The following DMD variants were observed in gnomAD, a reference collection of about 807,000 sequenced individuals.
DMD encodes the protein dystrophin, also known as mutant dystrophin.
DMD carries 63 observed loss-of-function variants against 330.1 expected under a neutral mutation model. That is an observed-to-expected ratio of 0.19 (90% CI 0.16 to 0.24). The LOEUF is 0.24. Among genes scored for constraint, DMD ranks in the 10% least tolerant of loss-of-function variants. DMD has a pLI of 1.00. For synonymous variants in DMD, 1,223 were observed against 959.8 expected, an observed-to-expected ratio of 1.27 and a Z score of -5.07; for missense variants, 3,344 against 2,684.1, an observed-to-expected ratio of 1.25 and a Z score of -5.43.
chrX:32,363,320 C>T (rs2097843774), intron 36 of DMD, among the ~76,000 whole-genome samples: 1 of 111,753 alleles, frequency 8.9e-6, no homozygotes, highest in African/African-American at 3.3e-5. Flanking sequence ...TTTATTATAT[C>T]GTTACTGAAT....
chrX:31,686,673 C>T (rs1421680854), intron 52 of DMD, among the ~76,000 whole-genome samples: 1 of 112,410 alleles, frequency 8.9e-6, no homozygotes, highest in African/African-American at 3.2e-5. Context: ...CTTTCCCTAA[C>T]TTTCTTAAAA....
intron 44 of DMD, among the ~76,000 whole-genome samples, chrX:32,074,068 CTT>C (rs2096323538): frequency 9.0e-6 from 1 of 111,517 alleles, no homozygotes; most frequent in African/African-American, 3.3e-5. Context: ...AATTCTCAAA[CTT>C]TTTCATTTTA....
intron 63 of DMD, among the ~76,000 whole-genome samples, chrX:31,225,809 G>A (rs2046524506): frequency 8.9e-6 from 1 of 111,931 alleles, no homozygotes. Context: ...ATAGAGGACT[G>A]TGGCCTGTGT....
chrX:32,075,529 G>A (rs1233817031), intron 44 of DMD, among the ~76,000 whole-genome samples: 1 of 111,787 alleles, frequency 8.9e-6, no homozygotes, highest in East Asian at 2.8e-4. Flanking sequence ...TATTACAACT[G>A]TCTGAAAATT....
chrX:32,832,049 A>G (rs2079196204), intron 4 of DMD, among the ~76,000 whole-genome samples: 1 of 111,083 alleles, frequency 9.0e-6, no homozygotes, highest in South Asian at 3.7e-4. Context: ...CATTTGTTTC[A>G]AAGGAATTGG....
chrX:32,313,970 G>A (rs1037205539), intron 41 of DMD, among the ~76,000 whole-genome samples: 5 of 111,174 alleles, frequency 4.5e-5, no homozygotes, highest in African/African-American at 1.6e-4. Context: ...TGGCCATAGC[G>A]CCCAAAGTAA....
chrX:33,009,183 CGTAT>C lies in DMD; in HGVS notation c.93+10952_93+10955del, dbSNP rs2093509470. Among the ~76,000 whole-genome samples, 3 of 28,385 alleles carry C rather than the reference CGTAT, an allele frequency of 1.1e-4. 1 individual carries two copies. The highest frequency in any genetic ancestry group is 1.9e-4 in the Non-Finnish European group (3 of 15,583). 24.6% of individuals were successfully genotyped at this position (28,385 alleles called of 115,157 possible). ...ATATGTATATATATGTGTATATATA[CGTAT>C]ATATGTATATATGTGTATATATACA... On this transcript the variant is annotated intron_variant, in intron 2 of 78. Coordinates refer to ENST00000357033, the MANE Select transcript of DMD (RefSeq NM_004006.3).
chrX:32,704,913 A>C (rs995402014), intron 7 of DMD, among the ~76,000 whole-genome samples: 1 of 112,341 alleles, frequency 8.9e-6, no homozygotes, highest in Non-Finnish European at 1.9e-5. Flanking sequence ...TGCTGGAAGT[A>C]AAGTGGATTA....
intron 1 of DMD, among the ~76,000 whole-genome samples, chrX:33,332,307 G>C (rs368566425): frequency 8.9e-6 from 1 of 111,937 alleles, no homozygotes; most frequent in African/African-American, 3.2e-5. Context: ...AATGACATTT[G>C]AGATGTGTTT....
At chrX:31,483,270 T>C (rs1326231583) in intron 57 of DMD, among the ~76,000 whole-genome samples, 1 of 109,526 alleles carries the variant, frequency 9.1e-6, no homozygotes, top group African/African-American at 3.4e-5. Context: ...ATGGTCTCCA[T>C]CTCCCAACCT....
intron 63 of DMD, among the ~76,000 whole-genome samples, chrX:31,227,491 T>C (rs1471319949): frequency 8.9e-6 from 1 of 111,834 alleles, no homozygotes; most frequent in South Asian, 3.8e-4. Context: ...GTCCAATCCA[T>C]TCTCAAACAG....
chrX:32,730,056 G>A (rs1000790712), intron 7 of DMD, among the ~76,000 whole-genome samples: 1 of 112,055 alleles, frequency 8.9e-6, no homozygotes, highest in Non-Finnish European at 1.9e-5. Context: ...ACGTGGGCCA[G>A]GCACAATGGT....
chrX:32,157,995 A>AT (rs2096836411), intron 44 of DMD, among the ~76,000 whole-genome samples: 1 of 112,168 alleles, frequency 8.9e-6, no homozygotes, highest in Admixed American at 9.5e-5. Flanking sequence ...TAATATTGAG[A>AT]TTTTTAGCAT....
chrX:32,880,281 G>T (rs2083796362), intron 2 of DMD, among the ~76,000 whole-genome samples: 1 of 97,474 alleles, frequency 1.0e-5, no homozygotes, highest in African/African-American at 3.7e-5. Context: ...GCTCCAACAG[G>T]GCCAAAAAAA....
intron 62 of DMD, among the ~76,000 whole-genome samples, chrX:31,315,347 C>T (rs2148221782): frequency 8.9e-6 from 1 of 112,174 alleles, no homozygotes; most frequent in South Asian, 3.8e-4. Flanking sequence ...AGCCAATTAA[C>T]ATTTCTTAAG....
chrX:31,452,385 C>T (rs909331097), intron 59 of DMD, among the ~76,000 whole-genome samples: 4 of 109,063 alleles, frequency 3.7e-5, no homozygotes, highest in Non-Finnish European at 5.7e-5. Flanking sequence ...GAGTTACAGA[C>T]GAGCCTGGCC....
intron 7 of DMD, among the ~76,000 whole-genome samples, chrX:32,774,940 G>A (rs1447452469): frequency 1.8e-5 from 2 of 112,294 alleles, no homozygotes; most frequent in Non-Finnish European, 3.8e-5. Flanking sequence ...CTACAAGCCT[G>A]TAAAACCAAA....
intron 44 of DMD, among the ~76,000 whole-genome samples, chrX:32,142,983 T>C (rs2096760741): frequency 9.0e-6 from 1 of 111,319 alleles, no homozygotes; most frequent in Non-Finnish European, 1.9e-5. Flanking sequence ...ATCCTTCAGG[T>C]AGAGCCCCTC....
intron 21 of DMD, among the ~76,000 whole-genome samples, chrX:32,482,904 G>A (rs2042039595): frequency 1.8e-5 from 2 of 108,329 alleles, no homozygotes; most frequent in Admixed American, 2.0e-4. Context: ...GTTTTTGTGT[G>A]AAAAAGCAAG....
Sources: gnomAD v4.1 joint callset for allele counts (sites outside exome capture counted in the v4.1 genomes callset) on GRCh38, gnomAD v4.1.1 for gene constraint, MANE v1.5 for transcripts, NCBI Gene and HGNC (gene_info 2026-07-23, HGNC 2026-07-21) for gene names.